Variants in FEM1C observed in about 807,000 individuals in gnomAD.
FEM1C encodes protein fem-1 homolog C.
Under a neutral mutation model 37.6 loss-of-function variants are expected in FEM1C, and 15 were observed. That is an observed-to-expected ratio of 0.40 (90% CI 0.27 to 0.61). The LOEUF is 0.61. Among genes scored for constraint, FEM1C ranks in the 20% least tolerant of loss-of-function variants. FEM1C has a pLI of 0.42. For synonymous variants in FEM1C, 287 were observed against 272.8 expected, an observed-to-expected ratio of 1.05 and a Z score of -0.51; for missense variants, 532 against 749.7, an observed-to-expected ratio of 0.71 and a Z score of 3.39.
chr5:115,522,766 T>TA lies in FEM1C; in HGVS notation c.*1541_*1542insT, dbSNP rs1753802030. ...TTTTTCTCAAATCAATAAGGAGCTT[T>TA]TTATTGAGAACAACTTCATTAAGAC... is the stretch of plus-strand genomic sequence containing the variant. On this transcript the variant is annotated 3_prime_UTR_variant, in exon 3 of 3. Transcript: ENST00000274457. The TA allele has an allele frequency of 6.6e-6, 1 of 152,476 alleles. No homozygotes were observed. The highest frequency in any genetic ancestry group is 2.4e-5 in the African/African-American group (1 of 41,452). 9.4% of individuals were successfully genotyped at this position (152,476 alleles called of 1,614,324 possible). A position where few individuals can be genotyped will look rare whatever the true frequency, so the allele number is the denominator to read the frequency against.
rs755575242 is a variant in FEM1C, at chr5:115,523,961, T to C, written c.*347A>G. 3.6e-5 allele frequency: 7 copies of C among 194,056 alleles called. No homozygotes were observed. The highest frequency in any genetic ancestry group is 7.4e-5 in the Non-Finnish European group (7 of 94,632). The allele number at this position is 194,056 out of a possible 1,614,324, so 12.0% of individuals were successfully genotyped here. On this transcript the variant is annotated 3_prime_UTR_variant, in exon 3 of 3. Transcript: ENST00000274457. Reference sequence around the variant, plus strand: ...CAAGAAAAAAAGACTTTCAATTGTATAAAATTCACAAACCAGTAAAGTATA... The same window carrying C: ...CAAGAAAAAAAGACTTTCAATTGTACAAAATTCACAAACCAGTAAAGTATA...
At position 115,522,126 on chromosome 5, in the gene FEM1C, A is replaced by T. The variant is rs1008667170; in HGVS notation, c.*2182T>A. 4 of 133,598 alleles carry T rather than the reference A, an allele frequency of 3.0e-5. No individual in the cohort carries two copies. The highest frequency in any genetic ancestry group is 1.1e-4 in the African/African-American group (4 of 36,526). The allele number at this position is 133,598 out of a possible 1,614,324, so 8.3% of individuals were successfully genotyped here. On this transcript the variant is annotated 3_prime_UTR_variant, in exon 3 of 3. Coordinates refer to ENST00000274457, the MANE Select transcript of FEM1C (RefSeq NM_020177.3). The stretch of plus-strand genomic sequence containing the variant: ...TAAGAGCATGTAAGCCCTCCCACCC[A>T]GCCCCCAAAGAGGAGGAGGAAATAC...
intron 2 of FEM1C, among the ~76,000 whole-genome samples, chr5:115,541,442 G>A (rs545487624): frequency 6.6e-6 from 1 of 152,186 alleles, no homozygotes; most frequent in South Asian, 2.1e-4. Flanking sequence ...AATATGCTCA[G>A]TAACTATATA....
At chr5:115,534,432 G>T (rs190149468) in intron 2 of FEM1C, among the ~76,000 whole-genome samples, 1 of 151,868 alleles carries the variant, frequency 6.6e-6, no homozygotes, top group Non-Finnish European at 1.5e-5. Flanking sequence ...CTAGTTAGAG[G>T]CCTAAGAATT....
chr5:115,537,577 G>T (rs1754155011), intron 2 of FEM1C, among the ~76,000 whole-genome samples: 1 of 152,040 alleles, frequency 6.6e-6, no homozygotes, highest in Non-Finnish European at 1.5e-5. Flanking sequence ...ACACAGAAAA[G>T]TGTGCCAGGG....
intron 2 of FEM1C, among the ~76,000 whole-genome samples, chr5:115,533,909 T>C (rs1754066911): frequency 1.3e-5 from 2 of 151,878 alleles, no homozygotes; most frequent in South Asian, 2.1e-4. Context: ...AAAAGTTCAT[T>C]TGGAGAAAAA....
At chr5:115,529,299 G>T (rs1263397767) in intron 2 of FEM1C, among the ~76,000 whole-genome samples, 2 of 151,956 alleles carry the variant, frequency 1.3e-5, no homozygotes, top group Non-Finnish European at 2.9e-5. Flanking sequence ...TAAAACAAGA[G>T]AATGAATGGA....
intron 2 of FEM1C, among the ~76,000 whole-genome samples, chr5:115,542,130 C>G (rs1228187759): frequency 1.3e-5 from 2 of 152,074 alleles, no homozygotes; most frequent in East Asian, 1.9e-4. Context: ...CAAAATTATG[C>G]TATCAAGGCA....
At position 115,524,038 on chromosome 5, in the gene FEM1C, A is replaced by G. The variant is rs1753829412; in HGVS notation, c.*270T>C. ...CTGCCCCAAACACCCAACAGCAAAC[A>G]AAACCAGAATGAATAAGCCTTTGGC... On this transcript the variant is annotated 3_prime_UTR_variant, in exon 3 of 3. Transcript: ENST00000274457. 4 of 343,454 alleles carry G rather than the reference A, an allele frequency of 1.2e-5. No homozygotes were observed. The highest frequency in any genetic ancestry group is 8.4e-4 in the Middle Eastern group (1 of 1,194). The allele number at this position is 343,454 out of a possible 1,614,324, so 21.3% of individuals were successfully genotyped here. A position where few individuals can be genotyped will look rare whatever the true frequency, so the allele number is the denominator to read the frequency against.
chr5:115,523,818 G>A lies in FEM1C; in HGVS notation c.*490C>T, dbSNP rs1490292916. ...ACTTATGGTAACTGCAAATGGTAAC[G>A]AGTCCTTAAGGTTTGTACAACCTAG... On this transcript the variant is annotated 3_prime_UTR_variant, in exon 3 of 3. Transcript: ENST00000274457. 6.4e-6 allele frequency: 1 copy of A among 155,600 alleles called. No homozygotes were observed. Among genetic ancestry groups the A allele is most frequent in the Non-Finnish European group, 1.4e-5 (1 of 69,982 alleles). 9.6% of individuals were successfully genotyped at this position (155,600 alleles called of 1,614,324 possible).
intron 2 of FEM1C, among the ~76,000 whole-genome samples, chr5:115,536,264 T>G (rs1312370052): frequency 1.3e-5 from 2 of 151,986 alleles, no homozygotes; most frequent in Non-Finnish European, 2.9e-5. Context: ...AATAAAAATA[T>G]TATATTTTTG....
Position 115,543,485 on chromosome 5 carries a change from T to G in FEM1C, c.9A>C (p.Leu3=). Residue 3 remains leucine (L), a synonymous_variant, in exon 2 of 3, where the codon CTA becomes CTC. Coordinates refer to ENST00000274457, the MANE Select transcript of FEM1C (RefSeq NM_020177.3). MD[L]KTAVFNAARD... ...GAGCTGCGTTAAATACTGCTGTCTT[T>G]AGATCCATTTATGTCCAGTTGAGAG... The G allele has an allele frequency of 1.9e-6, 3 of 1,607,198 alleles. No homozygotes were observed. Among genetic ancestry groups the G allele is most frequent in the Non-Finnish European group, 2.5e-6 (3 of 1,177,856 alleles).
At chr5:115,541,020 T>C (rs570697934) in intron 2 of FEM1C, among the ~76,000 whole-genome samples, 2 of 152,196 alleles carry the variant, frequency 1.3e-5, no homozygotes, top group South Asian at 2.1e-4. Flanking sequence ...ATGCTGTCAT[T>C]TGATCTACCA....
intron 2 of FEM1C, among the ~76,000 whole-genome samples, chr5:115,537,412 C>G (rs1754151550): frequency 6.6e-6 from 1 of 152,038 alleles, no homozygotes; most frequent in South Asian, 2.1e-4. Context: ...TCAGGATCTA[C>G]TCATTCTCAC....
At chr5:115,534,180 T>C (rs1754073252) in intron 2 of FEM1C, among the ~76,000 whole-genome samples, 1 of 151,926 alleles carries the variant, frequency 6.6e-6, no homozygotes, top group South Asian at 2.1e-4. Context: ...CTGGGATGAA[T>C]ATTAAGGTCA....
Position 115,524,828 on chromosome 5 carries a change from A to G in FEM1C, c.1334T>C (p.Ile445Thr), listed in dbSNP as rs758278400. The G allele has an allele frequency of 6.2e-7, 1 of 1,608,462 alleles. No homozygotes were observed. The highest frequency in any genetic ancestry group is 1.1e-5 in the South Asian group (1 of 90,244). ...PLQLNKALSI[I>T]LHLICLLEKV... ...CTCTAACAAGCAAATTAAGTGCAAA[A>G]TAATAGAAAGGGCCTTATTTAACTG... The change falls in exon 3 of 3, where the codon ATT (isoleucine) becomes ACT (threonine). Residue 445 changes from isoleucine to threonine, a missense_variant. Physicochemically the swap from Ile to Thr is moderately conservative, Grantham distance 89. Coordinates refer to ENST00000274457, the MANE Select transcript of FEM1C (RefSeq NM_020177.3).
intron 2 of FEM1C, among the ~76,000 whole-genome samples, chr5:115,536,146 T>C (rs1754123078): frequency 6.6e-6 from 1 of 151,966 alleles, no homozygotes. Context: ...CTGATAGTTG[T>C]GATGGTTGTA....
At chr5:115,528,342 C>A (rs957842691) in intron 2 of FEM1C, among the ~76,000 whole-genome samples, 1 of 152,124 alleles carries the variant, frequency 6.6e-6, no homozygotes, top group African/African-American at 2.4e-5. Flanking sequence ...ACAGTGGCCT[C>A]CACCAATTCT....
chr5:115,541,250 A>G (rs751476010), intron 2 of FEM1C, among the ~76,000 whole-genome samples: 2 of 152,148 alleles, frequency 1.3e-5, no homozygotes, highest in Non-Finnish European at 2.9e-5. Flanking sequence ...AACTGCATAC[A>G]TATATCAGTA....
Sources: allele counts gnomAD v4.1 joint callset (sites outside exome capture counted in the v4.1 genomes callset), GRCh38; gene constraint gnomAD v4.1.1; transcripts MANE v1.5; gene names NCBI Gene and HGNC (gene_info 2026-07-23, HGNC 2026-07-21).